The following HMBOX1 variants were observed in gnomAD, a reference collection of about 807,000 sequenced individuals.
HMBOX1 encodes the protein homeobox containing 1.
HMBOX1 carries 14 observed loss-of-function variants against 54.5 expected under a neutral mutation model. The observed-to-expected ratio is 0.26, with a 90% confidence interval of 0.17 to 0.40. The LOEUF (loss-of-function observed/expected upper bound fraction) is 0.40, where lower values mean the gene tolerates loss of function less well. Ranked by LOEUF, HMBOX1 falls within the 10% of genes least tolerant of loss-of-function variation. The probability of loss-of-function intolerance (pLI) is 1.00; values close to 1 mark genes in which losing one functional copy is unlikely to be tolerated. For missense variants in HMBOX1, 332 were observed against 514.4 expected (o/e 0.65, Z 3.43); for synonymous variants, 160 against 181.0 (o/e 0.88, Z 0.93).
At chr8:28,994,835 G>A (rs905253426) in intron 4 of HMBOX1, among the ~76,000 whole-genome samples, 8 of 151,964 alleles carry the variant, frequency 5.3e-5, no homozygotes, top group Non-Finnish European at 1.0e-4. Context: ...AAATATAAAT[G>A]GCCAATAAGC....
At chr8:29,005,878 CATT>C (rs1317522406) in intron 4 of HMBOX1, among the ~76,000 whole-genome samples, 1 of 151,682 alleles carries the variant, frequency 6.6e-6, no homozygotes. Flanking sequence ...TTTCAGTTAA[CATT>C]ATTTTTGTGA....
intron 1 of HMBOX1, among the ~76,000 whole-genome samples, chr8:28,944,999 A>G (rs773249039): frequency 2.0e-5 from 3 of 152,140 alleles, no homozygotes; most frequent in African/African-American, 4.8e-5. Context: ...CTTTCTCATC[A>G]TAGTTTGATT....
Position 29,011,498 on chromosome 8 carries a change from T to G in HMBOX1, c.697+2316T>G, listed in dbSNP as rs188539049. Reference sequence around the variant, plus strand: ...TTGAATCTGTTATTCTGATGGGGATTGCAAAATGGGATAATCAACTGGTAA... The same window carrying G: ...TTGAATCTGTTATTCTGATGGGGATGGCAAAATGGGATAATCAACTGGTAA... On this transcript the variant is annotated intron_variant, in intron 5 of 9. Coordinates refer to ENST00000287701, the MANE Select transcript of HMBOX1 (RefSeq NM_001135726.3). Among the ~76,000 whole-genome samples the G allele has an allele frequency of 2.8e-4, 43 of 152,332 alleles. No homozygotes were observed. In the East Asian group the frequency reaches 7.9e-3, roughly 28 times the overall value.
chr8:28,938,165 G>A (rs1820719268), intron 1 of HMBOX1, among the ~76,000 whole-genome samples: 1 of 152,164 alleles, frequency 6.6e-6, no homozygotes, highest in Admixed American at 6.5e-5. Context: ...GAATCTATAT[G>A]TTAAAAACAA....
intron 1 of HMBOX1, among the ~76,000 whole-genome samples, chr8:28,926,338 A>G (rs1016525189): frequency 2.6e-5 from 4 of 151,578 alleles, no homozygotes; most frequent in African/African-American, 9.8e-5. Context: ...TTTTAGATAC[A>G]TAAAATACAA....
At chr8:28,958,033 A>G (rs534290921) in intron 1 of HMBOX1, among the ~76,000 whole-genome samples, 2 of 152,312 alleles carry the variant, frequency 1.3e-5, no homozygotes, top group South Asian at 2.1e-4. Context: ...TCTCTTTCCC[A>G]TTCTTTTTCT....
chr8:28,990,977 A>G (rs1410807003), intron 4 of HMBOX1, among the ~76,000 whole-genome samples: 12 of 152,052 alleles, frequency 7.9e-5, no homozygotes. Flanking sequence ...CAATGTCCTT[A>G]TATAGTTTTG....
Position 28,996,055 on chromosome 8 carries a change from G to A in HMBOX1, c.587-13017G>A, listed in dbSNP as rs190111203. Among the ~76,000 whole-genome samples, 1,500 of 151,976 alleles carry A rather than the reference G, an allele frequency of 9.9e-3. 11 individuals are homozygous for A. Among genetic ancestry groups the A allele is most frequent in the Non-Finnish European group, 0.015 (1,006 of 67,932 alleles). ...CGGGAGGCAGAGCTTGCAGTGAGCC[G>A]AGATCACGCCACTGCACTCCAGCCT... On this transcript the variant is annotated intron_variant, in intron 4 of 9. Transcript: ENST00000287701.
chr8:28,935,041 A>G (rs1309913761), intron 1 of HMBOX1, among the ~76,000 whole-genome samples: 1 of 152,234 alleles, frequency 6.6e-6, no homozygotes, highest in Non-Finnish European at 1.5e-5. Context: ...GCATCAAAAA[A>G]TGAAATACTT....
Position 28,996,934 on chromosome 8 carries a change from C to T in HMBOX1, c.587-12138C>T, listed in dbSNP as rs534659659. Among the ~76,000 whole-genome samples, 6 of 152,068 alleles carry T rather than the reference C, an allele frequency of 3.9e-5. No individual in the cohort carries two copies. The East Asian group carries it at 5.8e-4, about 15-fold the overall frequency. ...TAATGGATAGAAATAAGGTTTATTT[C>T]GTATATTGATCTTATATTCTGCAAC... is the stretch of plus-strand genomic sequence containing the variant. On this transcript the variant is annotated intron_variant, in intron 4 of 9. Transcript: ENST00000287701.
chr8:28,935,642 A>C (rs529959584), intron 1 of HMBOX1, among the ~76,000 whole-genome samples: 16 of 152,328 alleles, frequency 1.1e-4, no homozygotes, highest in African/African-American at 3.8e-4. Context: ...AGTTTCTTAG[A>C]GAGAAACCAA....
intron 1 of HMBOX1, among the ~76,000 whole-genome samples, chr8:28,904,551 C>T (rs1254454957): frequency 6.6e-6 from 1 of 152,024 alleles, no homozygotes; most frequent in Non-Finnish European, 1.5e-5. Flanking sequence ...AAATCTTTTA[C>T]AGTAGTCTCA....
chr8:28,990,329 C>T (rs1830798980), intron 4 of HMBOX1, among the ~76,000 whole-genome samples: 2 of 151,946 alleles, frequency 1.3e-5, no homozygotes, highest in Admixed American at 6.6e-5. Flanking sequence ...TCATAGTTGC[C>T]CTTTACCAGG....
intron 2 of HMBOX1, 56 bp from the exon 3 acceptor site, chr8:28,969,987 T>C (rs778267429): frequency 1.5e-5 from 16 of 1,050,272 alleles, no homozygotes; most frequent in Admixed American, 8.3e-5. Flanking sequence ...CTGTATAATA[T>C]GTGCTTTGGT....
rs547980659 is a variant in HMBOX1, at chr8:28,964,839, C to A, written c.23+949C>A. On this transcript the variant is annotated intron_variant, in intron 2 of 9. Coordinates refer to ENST00000287701, the MANE Select transcript of HMBOX1 (RefSeq NM_001135726.3). ...TAGCTATATCCTTGGGAAGGCACTT[C>A]ACCTCTTTGGGCCTTAGTTTCCCTC... 1.3e-4 allele frequency among the ~76,000 whole-genome samples: 20 copies of A among 149,838 alleles called. 3 individuals are homozygous for A. In the South Asian group the frequency reaches 4.1e-3, roughly 30 times the overall value.
In HMBOX1 at chr8:29,051,192, G is replaced by A. The variant is rs1408835045; in HGVS notation, c.*37G>A. 3 of 1,608,732 alleles carry A rather than the reference G, an allele frequency of 1.9e-6. No individual in the cohort carries two copies. The highest frequency in any genetic ancestry group is 2.5e-6 in the Non-Finnish European group (3 of 1,177,380). On this transcript the variant is annotated 3_prime_UTR_variant, in exon 10 of 10. Coordinates refer to ENST00000287701, the MANE Select transcript of HMBOX1 (RefSeq NM_001135726.3). Reference sequence around the variant, plus strand: ...AAACATGACAAGTTAACTTAGTTTAGACGTAGCACCTTAGCAGACTTTCCT... The same window carrying A: ...AAACATGACAAGTTAACTTAGTTTAAACGTAGCACCTTAGCAGACTTTCCT...
chr8:28,903,041 C>T (rs1454515317), intron 1 of HMBOX1, among the ~76,000 whole-genome samples: 1 of 152,294 alleles, frequency 6.6e-6, no homozygotes, highest in East Asian at 1.9e-4. Flanking sequence ...ACCTCACTTT[C>T]TTAATGTAAA....
At chr8:28,904,335 C>A (rs974084978) in intron 1 of HMBOX1, among the ~76,000 whole-genome samples, 1 of 151,540 alleles carries the variant, frequency 6.6e-6, no homozygotes, top group Non-Finnish European at 1.5e-5. Context: ...GCAACCTCCG[C>A]CTCGCGGGTT....
chr8:28,915,117 G>A (rs1359126782), intron 1 of HMBOX1, among the ~76,000 whole-genome samples: 1 of 152,144 alleles, frequency 6.6e-6, no homozygotes, highest in South Asian at 2.1e-4. Flanking sequence ...TTGTTGTAGT[G>A]TTGTGTTGTT....
Sources: allele counts gnomAD v4.1 joint callset (sites outside exome capture counted in the v4.1 genomes callset), GRCh38; gene constraint gnomAD v4.1.1; transcripts MANE v1.5; gene names NCBI Gene and HGNC (gene_info 2026-07-23, HGNC 2026-07-21).